The following MAF variants were observed in gnomAD, a reference collection of about 807,000 sequenced individuals.
The protein encoded by MAF is MAF bZIP transcription factor, also known as transcription factor Maf.
Under a neutral mutation model 22.0 loss-of-function variants are expected in MAF, and 10 were observed. The ratio of observed to expected loss-of-function variants is 0.45; its 90% confidence interval spans 0.28 to 0.77. MAF has a LOEUF of 0.77. MAF is among the 30% of genes least tolerant of loss of function. MAF has a pLI of 0.12. For synonymous variants in MAF, 337 were observed against 255.8 expected (o/e 1.32, Z -3.03); for missense variants, 544 against 548.4 (o/e 0.99, Z 0.08).
the MAF span, among the ~76,000 whole-genome samples, chr16:79,409,344 A>G: frequency 8.5e-5 from 13 of 152,206 alleles, no homozygotes; most frequent in East Asian, 3.8e-4. Flanking sequence ...AAATCTGTAC[A>G]AGAAGACTCC....
the MAF span, among the ~76,000 whole-genome samples, chr16:79,536,166 T>C: frequency 2.6e-5 from 4 of 152,324 alleles, no homozygotes; most frequent in African/African-American, 9.6e-5. Flanking sequence ...TTACCAAAAC[T>C]GGTAGTCAAC....
the MAF span, among the ~76,000 whole-genome samples, chr16:79,277,421 C>T: frequency 1.3e-5 from 2 of 152,172 alleles, no homozygotes; most frequent in Admixed American, 1.3e-4. Context: ...CCTGGGTCAA[C>T]CCATATGGAA....
the MAF span, among the ~76,000 whole-genome samples, chr16:79,240,594 G>A: frequency 6.7e-6 from 1 of 149,888 alleles, no homozygotes; most frequent in Non-Finnish European, 1.5e-5. Context: ...AGCACCTGCG[G>A]GAAGGGGTGG....
chr16:79,374,106 A>C, the MAF span, among the ~76,000 whole-genome samples: 1 of 152,264 alleles, frequency 6.6e-6, no homozygotes, highest in African/African-American at 2.4e-5. Flanking sequence ...AAACAAGTAA[A>C]AAAATACAAC....
At chr16:79,353,787 C>G in the MAF span, among the ~76,000 whole-genome samples, 1 of 152,138 alleles carries the variant, frequency 6.6e-6, no homozygotes, top group Non-Finnish European at 1.5e-5. Context: ...ATGGTCCTCA[C>G]TCCCTGAAGG....
the MAF span, among the ~76,000 whole-genome samples, chr16:79,320,175 G>A: frequency 1.3e-5 from 2 of 152,252 alleles, no homozygotes; most frequent in East Asian, 1.9e-4. Flanking sequence ...TTTTCTTTGG[G>A]TACAATGGAA....
the MAF span, chr16:79,212,238 G>C: frequency 7.4e-7 from 1 of 1,354,408 alleles, no homozygotes; most frequent in Non-Finnish European, 9.7e-7. Flanking sequence ...GCTCCTTGCT[G>C]CATTGATCCA....
chr16:79,557,312 A>T, the MAF span, among the ~76,000 whole-genome samples: 3 of 152,016 alleles, frequency 2.0e-5, no homozygotes, highest in African/African-American at 7.3e-5. Flanking sequence ...CAAGATCAGC[A>T]GTTTGAGGGT....
At chr16:79,379,155 G>A in the MAF span, among the ~76,000 whole-genome samples, 2 of 152,110 alleles carry the variant, frequency 1.3e-5, no homozygotes, top group Non-Finnish European at 2.9e-5. Flanking sequence ...CACAAATCCT[G>A]GCACAAGAAT....
chr16:79,408,095 A>AAAC, the MAF span, among the ~76,000 whole-genome samples: 12 of 146,998 alleles, frequency 8.2e-5, 1 homozygote, highest in East Asian at 6.3e-4. Context: ...AAAAAAAAAA[A>AAAC]AAAAACCTAA....
At chr16:79,461,958 G>C in the MAF span, among the ~76,000 whole-genome samples, 1 of 152,192 alleles carries the variant, frequency 6.6e-6, no homozygotes, top group Non-Finnish European at 1.5e-5. Flanking sequence ...CAGAAGCCCA[G>C]TGTATTGCTC....
the MAF span, among the ~76,000 whole-genome samples, chr16:79,512,100 G>C: frequency 1.3e-5 from 2 of 152,156 alleles, no homozygotes; most frequent in Non-Finnish European, 2.9e-5. Context: ...ACTACCTGTA[G>C]AGACAGCCTG....
the MAF span, among the ~76,000 whole-genome samples, chr16:79,433,278 AT>A: frequency 0.045 from 5,434 of 119,502 alleles, 183 homozygotes; most frequent in African/African-American, 0.1. Context: ...AAAAAAAAAA[AT>A]ATATATATAT....
chr16:79,357,253 CACAACAACA>C, the MAF span, among the ~76,000 whole-genome samples: 2,002 of 146,026 alleles, frequency 0.014, 50 homozygotes, highest in African/African-American at 0.045. Context: ...AAGACTCTGT[CACAACAACA>C]ACAACAACAA....
the MAF span, among the ~76,000 whole-genome samples, chr16:79,374,704 G>A: frequency 6.6e-5 from 10 of 152,268 alleles, no homozygotes; most frequent in Middle Eastern, 6.8e-3. Flanking sequence ...ACAGAGTGAC[G>A]GCTCTCATAG....
At chr16:79,218,846 T>A in the MAF span, among the ~76,000 whole-genome samples, 3,029 of 152,248 alleles carry the variant, frequency 0.02, 25 homozygotes, top group East Asian at 0.04. Flanking sequence ...AGAGCCTACC[T>A]TTTTTCCTTT....
the MAF span, among the ~76,000 whole-genome samples, chr16:79,339,510 C>G: frequency 6.6e-6 from 1 of 152,200 alleles, no homozygotes; most frequent in Non-Finnish European, 1.5e-5. Context: ...GAGAGCCACT[C>G]TAACCAGAAA....
chr16:79,354,509 A>G, the MAF span, among the ~76,000 whole-genome samples: 3 of 152,080 alleles, frequency 2.0e-5, no homozygotes, highest in South Asian at 6.2e-4. Flanking sequence ...TAGAGGGGAG[A>G]ATGGGTGAGA....
the MAF span, among the ~76,000 whole-genome samples, chr16:79,530,075 A>C: frequency 1.3e-5 from 2 of 152,340 alleles, no homozygotes; most frequent in African/African-American, 4.8e-5. Context: ...CAAATATAAG[A>C]TCTCCCCATT....
Sources: allele counts gnomAD v4.1 joint callset (sites outside exome capture counted in the v4.1 genomes callset), GRCh38; gene constraint gnomAD v4.1.1; transcripts MANE v1.5; gene names NCBI Gene and HGNC (gene_info 2026-07-23, HGNC 2026-07-21).